MEF2C: variants seen among roughly 807,000 people sequenced by gnomAD.
MEF2C encodes myocyte-specific enhancer factor 2C.
MEF2C carries 6 observed loss-of-function variants against 50.5 expected under a neutral mutation model. The observed-to-expected ratio is 0.12, with a 90% CI of 0.07 to 0.23. The LOEUF is 0.23. Among genes scored for constraint, MEF2C ranks in the 10% least tolerant of loss-of-function variants. MEF2C has a pLI of 1.00. For synonymous variants in MEF2C, 183 were observed against 228.0 expected, an observed-to-expected ratio of 0.80 and a Z score of 1.78; for missense variants, 276 against 605.0, an observed-to-expected ratio of 0.46 and a Z score of 5.70.
At chr5:88,750,968 G>T in intron 5 of MEF2C, 1 of 488,698 alleles carries the variant, frequency 2.0e-6, no homozygotes, top group Non-Finnish European at 2.7e-6. Context: ...ATATATAATG[G>T]TTTGCTGTAT....
intron 1 of MEF2C, among the ~76,000 whole-genome samples, chr5:88,852,363 A>T (rs912883851): frequency 6.6e-6 from 1 of 152,216 alleles, no homozygotes; most frequent in African/African-American, 2.4e-5. Flanking sequence ...TGATGAGAAA[A>T]GGTAGTCAGA....
intron 1 of MEF2C, among the ~76,000 whole-genome samples, chr5:88,857,521 T>C (rs1325638752): frequency 6.6e-6 from 1 of 152,184 alleles, no homozygotes; most frequent in Non-Finnish European, 1.5e-5. Flanking sequence ...GGAGAAATGA[T>C]ATGGTTTGGC....
intron 1 of MEF2C, among the ~76,000 whole-genome samples, chr5:88,869,296 C>CATATATATAT (rs1561421061): frequency 1.1e-4 from 12 of 104,864 alleles, no homozygotes; most frequent in Admixed American, 3.4e-4. Flanking sequence ...TATATATATA[C>CATATATATAT]ACATATATAT....
intron 6 of MEF2C, chr5:88,734,561 GTTTGTTTTTT>G (rs1763092565): frequency 4.3e-5 from 11 of 254,378 alleles, no homozygotes; most frequent in Admixed American, 4.1e-4. Context: ...CTTGAGAAAA[GTTTGTTTTTT>G]TTTTTTTTTT....
intron 1 of MEF2C, chr5:88,844,670 T>G: frequency 1.5e-6 from 1 of 663,280 alleles, no homozygotes. Flanking sequence ...TATTTCTTAA[T>G]GCACTTCTAT....
At chr5:88,849,792 T>G (rs925814294) in intron 1 of MEF2C, among the ~76,000 whole-genome samples, 5 of 152,256 alleles carry the variant, frequency 3.3e-5, no homozygotes, top group African/African-American at 1.2e-4. Flanking sequence ...ACTGAAGAGA[T>G]AAATGACAAA....
At chr5:88,861,801 T>C (rs1018581066) in intron 1 of MEF2C, among the ~76,000 whole-genome samples, 3 of 152,236 alleles carry the variant, frequency 2.0e-5, no homozygotes, top group South Asian at 2.1e-4. Flanking sequence ...TCTAATAGTA[T>C]GCTAATTAAA....
At chr5:88,803,483 C>G (rs578182807) in intron 3 of MEF2C, among the ~76,000 whole-genome samples, 2 of 152,268 alleles carry the variant, frequency 1.3e-5, no homozygotes, top group East Asian at 3.9e-4. Context: ...CCAGTCTAAG[C>G]AATGGCAAGA....
intron 6 of MEF2C, chr5:88,740,695 A>C: frequency 1.0e-6 from 1 of 984,826 alleles, no homozygotes; most frequent in Non-Finnish European, 1.2e-6. Flanking sequence ...AAAAAAACCC[A>C]AATATCATTC....
chr5:88,843,927 A>T (rs1818375128), intron 1 of MEF2C, among the ~76,000 whole-genome samples: 1 of 151,004 alleles, frequency 6.6e-6, no homozygotes, highest in Non-Finnish European at 1.5e-5. Context: ...CTCCTGCCTC[A>T]GCCTCCTGAG....
intron 2 of MEF2C, among the ~76,000 whole-genome samples, chr5:88,812,100 C>T (rs1581093510): frequency 1.3e-5 from 2 of 152,096 alleles, no homozygotes; most frequent in Non-Finnish European, 2.9e-5. Flanking sequence ...GGCTTAGTCG[C>T]TCCTTGAAAC....
chr5:88,850,106 C>A (rs200511694), intron 1 of MEF2C, among the ~76,000 whole-genome samples: 1 of 149,592 alleles, frequency 6.7e-6, no homozygotes, highest in Non-Finnish European at 1.5e-5. Flanking sequence ...CCATAACAGG[C>A]CCCGGTGTGT....
At chr5:88,786,444 T>G (rs1790937469) in intron 3 of MEF2C, among the ~76,000 whole-genome samples, 1 of 151,068 alleles carries the variant, frequency 6.6e-6, no homozygotes, top group African/African-American at 2.5e-5. Flanking sequence ...ATGTATCATG[T>G]TTTAGAATTT....
At chr5:88,771,543 C>T in intron 3 of MEF2C, 1 of 985,360 alleles carries the variant, frequency 1.0e-6, no homozygotes, top group Non-Finnish European at 1.2e-6. Context: ...TTTAACATGT[C>T]TGCTTCACCA....
upstream of MEF2C, chr5:88,883,796 A>G (rs1833671795): frequency 1.3e-5 from 2 of 152,224 alleles, no homozygotes; most frequent in Admixed American, 1.3e-4. Context: ...TTTTAATAAA[A>G]CAAACATACA....
chr5:88,772,895 TGCTAA>T, intron 3 of MEF2C: 2 of 985,472 alleles, frequency 2.0e-6, no homozygotes, highest in Non-Finnish European at 2.4e-6. Context: ...CACACTTAGA[TGCTAA>T]TTGAGGGTTT....
intron 3 of MEF2C, among the ~76,000 whole-genome samples, chr5:88,800,693 G>A (rs867108129): frequency 1.1e-4 from 17 of 152,180 alleles, no homozygotes; most frequent in Admixed American, 3.9e-4. Flanking sequence ...AATGCCATCC[G>A]AACTGAATTT....
At chr5:88,751,699 C>T (rs1042100880) in intron 5 of MEF2C, among the ~76,000 whole-genome samples, 158 bp downstream of exon 5, 28 of 152,186 alleles carry the variant, frequency 1.8e-4, no homozygotes, top group African/African-American at 6.3e-4. Flanking sequence ...AGAATTTAGG[C>T]TCTATCATGC....
intron 1 of MEF2C, among the ~76,000 whole-genome samples, chr5:88,853,933 T>C (rs1243875820): frequency 6.6e-6 from 1 of 152,214 alleles, no homozygotes; most frequent in Non-Finnish European, 1.5e-5. Flanking sequence ...GTGACAACAT[T>C]ATTGTTATTT....
Sources: gnomAD v4.1 joint callset for allele counts (sites outside exome capture counted in the v4.1 genomes callset) on GRCh38, gnomAD v4.1.1 for gene constraint, MANE v1.5 for transcripts, NCBI Gene and HGNC (gene_info 2026-07-23, HGNC 2026-07-21) for gene names.